RETREG1: variants seen among roughly 807,000 people sequenced by gnomAD.
RETREG1 encodes the protein family with sequence similarity 134 member B.
RETREG1 carries 44 observed loss-of-function variants against 54.8 expected under a neutral mutation model. The observed-to-expected ratio is 0.80, with a 90% CI of 0.63 to 1.03. The LOEUF is 1.03. Among genes scored for constraint, RETREG1 ranks in the 50% least tolerant of loss-of-function variants. The pLI, the probability that RETREG1 is intolerant of heterozygous loss-of-function variation, is 0.00. For synonymous variants in RETREG1, 217 were observed against 238.5 expected (o/e 0.91, Z 0.83); for missense variants, 554 against 605.1 (o/e 0.92, Z 0.89).
In RETREG1 at chr5:16,561,857, T is replaced by C. The variant is rs1052348681; in HGVS notation, c.458+3906A>G. 6.6e-6 allele frequency among the ~76,000 whole-genome samples: 1 copy of C among 152,244 alleles called. No homozygotes were observed. Among genetic ancestry groups the C allele is most frequent in the Non-Finnish European group, 1.5e-5 (1 of 68,044 alleles). ...GAGAAAATACCTTGACCAGTCAAACTGAGTCTCAGTAAATCTGAAAGAACC... is the reference window on the plus strand; with the variant it reads ...GAGAAAATACCTTGACCAGTCAAACCGAGTCTCAGTAAATCTGAAAGAACC... On this transcript the variant is annotated intron_variant, in intron 3 of 8. Transcript: ENST00000306320. The surrounding 1 kb of genome is among the most constrained non-coding windows in gnomAD (Gnocchi z 4.2).
At chr5:16,504,320 T>A (rs554561956) in intron 3 of RETREG1, among the ~76,000 whole-genome samples, 1 of 152,330 alleles carries the variant, frequency 6.6e-6, no homozygotes, top group East Asian at 1.9e-4. Flanking sequence ...GGCATTTGGG[T>A]TGATTCCATG....
intron 1 of RETREG1, among the ~76,000 whole-genome samples, chr5:16,573,337 C>T (rs896451577): frequency 1.3e-5 from 2 of 152,130 alleles, no homozygotes; most frequent in Non-Finnish European, 2.9e-5. Flanking sequence ...CACACAAACC[C>T]TGCAGTGCTT....
chr5:16,476,923 TA>T (rs916853260), intron 8 of RETREG1, among the ~76,000 whole-genome samples: 1 of 151,830 alleles, frequency 6.6e-6, no homozygotes, highest in African/African-American at 2.4e-5. Flanking sequence ...ACAAAAAAAA[TA>T]AAAATAAAAA....
chr5:16,589,248 G>T (rs1463304878), intron 1 of RETREG1, among the ~76,000 whole-genome samples: 1 of 151,902 alleles, frequency 6.6e-6, no homozygotes, highest in Non-Finnish European at 1.5e-5. Context: ...ACACTCTTGG[G>T]GATTATAATC....
chr5:16,556,866 G>A (rs890974029), intron 3 of RETREG1, among the ~76,000 whole-genome samples: 1 of 152,184 alleles, frequency 6.6e-6, no homozygotes, highest in Non-Finnish European at 1.5e-5. Context: ...GCTTCGCTCT[G>A]TCACCCAGGC....
intron 1 of RETREG1, among the ~76,000 whole-genome samples, chr5:16,609,366 C>T (rs937045291): frequency 8.4e-6 from 1 of 119,046 alleles, no homozygotes; most frequent in African/African-American, 3.1e-5. Flanking sequence ...AAGTCTGTAA[C>T]TGTATATAAC....
chr5:16,519,191 C>T (rs1016693726), intron 3 of RETREG1, among the ~76,000 whole-genome samples: 1 of 152,186 alleles, frequency 6.6e-6, no homozygotes, highest in Non-Finnish European at 1.5e-5. Flanking sequence ...CCCTCTCTCT[C>T]GCTGCGTGGT....
chr5:16,529,102 T>C (rs1740829953), intron 3 of RETREG1, among the ~76,000 whole-genome samples: 1 of 152,254 alleles, frequency 6.6e-6, no homozygotes, highest in Non-Finnish European at 1.5e-5. Flanking sequence ...CCCCCACCTA[T>C]GTGTTCCCTT....
intron 1 of RETREG1, among the ~76,000 whole-genome samples, chr5:16,609,260 G>C (rs1372359874): frequency 1.3e-5 from 2 of 152,132 alleles, no homozygotes; most frequent in African/African-American, 4.8e-5. Context: ...TGTAAAATGG[G>C]AACAACACAT....
At position 16,474,480 on chromosome 5, in the gene RETREG1, T is replaced by A; in HGVS notation, c.*261A>T. 2 of 406,746 alleles carry A rather than the reference T, an allele frequency of 4.9e-6. No individual in the cohort carries two copies. The highest frequency in any genetic ancestry group is 2.1e-5 in the African/African-American group (1 of 48,296). 25.2% of individuals were successfully genotyped at this position (406,746 alleles called of 1,614,324 possible). A position where few individuals can be genotyped will look rare whatever the true frequency, so the allele number is the denominator to read the frequency against. ...TTCTTTTTGCTTTAAAAACAACCCC[T>A]AATATTTATCTCTGACAACACAGTG... is the stretch of plus-strand genomic sequence containing the variant. On this transcript the variant is annotated 3_prime_UTR_variant, in exon 9 of 9. Transcript: ENST00000306320.
intron 3 of RETREG1, among the ~76,000 whole-genome samples, chr5:16,505,225 A>G (rs1739901540): frequency 6.6e-6 from 1 of 152,096 alleles, no homozygotes; most frequent in African/African-American, 2.4e-5. Context: ...GCCTTTGCAG[A>G]CAAACTTTTC....
chr5:16,612,059 C>T (rs1255992594), intron 1 of RETREG1, among the ~76,000 whole-genome samples: 3 of 119,552 alleles, frequency 2.5e-5, no homozygotes, highest in African/African-American at 3.1e-5. Flanking sequence ...AGAGAGACTC[C>T]GTCTCAAAAA....
At position 16,561,219 on chromosome 5, in the gene RETREG1, C is replaced by CG. The variant is rs1389205603; in HGVS notation, c.458+4543dup. On this transcript the variant is annotated intron_variant, in intron 3 of 8. Coordinates refer to ENST00000306320, the MANE Select transcript of RETREG1 (RefSeq NM_001034850.3). This position sits in a 1 kb window ranked among gnomAD's most constrained non-coding sequence, Gnocchi z 4.2. Reference sequence around the variant, plus strand: ...CCTTCCTATAAACGGTACTTCCCGCCGGGCGCAGTGGCTCACACCTGTAAT... The same window carrying CG: ...CCTTCCTATAAACGGTACTTCCCGCCGGGGCGCAGTGGCTCACACCTGTAAT... Among the ~76,000 whole-genome samples, 1 of 151,806 alleles carries CG rather than the reference C, an allele frequency of 6.6e-6. No individual in the cohort carries two copies. Among genetic ancestry groups the CG allele is most frequent in the Non-Finnish European group, 1.5e-5 (1 of 67,936 alleles).
chr5:16,522,432 C>T (rs1740565251), intron 3 of RETREG1, among the ~76,000 whole-genome samples: 1 of 152,176 alleles, frequency 6.6e-6, no homozygotes, highest in South Asian at 2.1e-4. Flanking sequence ...GATGTAGCAA[C>T]TTGAAGGTGT....
intron 1 of RETREG1, among the ~76,000 whole-genome samples, chr5:16,577,870 T>C (rs957157138): frequency 3.3e-5 from 5 of 152,344 alleles, no homozygotes; most frequent in African/African-American, 1.2e-4. Flanking sequence ...ATGTAAGACG[T>C]GTCTTTCACC....
At chr5:16,562,451 C>G (rs1317858919) in intron 3 of RETREG1, among the ~76,000 whole-genome samples, 1 of 152,184 alleles carries the variant, frequency 6.6e-6, no homozygotes, top group Non-Finnish European at 1.5e-5. Context: ...GCCTGTGTGC[C>G]TTAAGGGTGC....
chr5:16,533,549 C>CA (rs1227605553), intron 3 of RETREG1, among the ~76,000 whole-genome samples: 1 of 152,260 alleles, frequency 6.6e-6, no homozygotes, highest in East Asian at 1.9e-4. Flanking sequence ...GAAGAACTTT[C>CA]TGTGGTAACC....
chr5:16,499,999 T>G (rs563018017), intron 3 of RETREG1, among the ~76,000 whole-genome samples: 2 of 152,182 alleles, frequency 1.3e-5, no homozygotes, highest in African/African-American at 2.4e-5. Flanking sequence ...CAATTACACC[T>G]AGGGCAGGCC....
At chr5:16,506,985 G>A (rs1242921850) in intron 3 of RETREG1, among the ~76,000 whole-genome samples, 4 of 152,064 alleles carry the variant, frequency 2.6e-5, no homozygotes, top group South Asian at 2.1e-4. Context: ...TTATGTGAAT[G>A]TATAGCTATA....
Sources: gnomAD v4.1 joint callset for allele counts (sites outside exome capture counted in the v4.1 genomes callset) on GRCh38, gnomAD v4.1.1 for gene constraint, Gnocchi (gnomAD v3.1) non-coding constraint, MANE v1.5 for transcripts, NCBI Gene and HGNC (gene_info 2026-07-23, HGNC 2026-07-21) for gene names.